SMARCA2: variants seen among roughly 807,000 people sequenced by gnomAD.
SMARCA2 encodes the protein SWI/SNF-related matrix-associated actin-dependent regulator of chromatin subfamily A member 2.
A neutral mutation model predicts 199.8 loss-of-function variants in SMARCA2; 61 were observed. The observed-to-expected ratio is 0.31, with a 90% CI of 0.25 to 0.38. The LOEUF is 0.38. Among genes scored for constraint, SMARCA2 ranks in the 10% least tolerant of loss-of-function variants. SMARCA2 has a pLI of 1.00. For synonymous variants in SMARCA2, 935 were observed against 732.0 expected (o/e 1.28, Z -4.48); for missense variants, 1,344 against 2,012.2 (o/e 0.67, Z 6.35).
intron 17 of SMARCA2, among the ~76,000 whole-genome samples, chr9:2,084,555 T>A (rs1042479786): frequency 1.1e-4 from 16 of 152,258 alleles, no homozygotes; most frequent in Admixed American, 5.9e-4. Context: ...AAGAAATAAT[T>A]GTTTTTGTTG....
chr9:2,104,404 C>T lies in SMARCA2; in HGVS notation c.3292+235C>T, dbSNP rs1014063576. The stretch of plus-strand genomic sequence containing the variant: ...ACCAACACAAATGAGTTTAGAGTCA[C>T]TTTTGAGTACCTAAATAAAATAAAA... On this transcript the variant is annotated intron_variant, in intron 23 of 33. Coordinates refer to ENST00000349721, the MANE Select transcript of SMARCA2 (RefSeq NM_003070.5). This position sits in a 1 kb window ranked among gnomAD's most constrained non-coding sequence, Gnocchi z 4.0. 4.6e-5 allele frequency among the ~76,000 whole-genome samples: 7 copies of T among 152,154 alleles called. No homozygotes were observed. The highest frequency in any genetic ancestry group is 1.7e-4 in the African/African-American group (7 of 41,436).
intron 30 of SMARCA2, 102 bp downstream of exon 30, chr9:2,181,778 C>A (rs1034533638): frequency 1.5e-6 from 1 of 688,160 alleles, no homozygotes. Context: ...TGATGGGTAC[C>A]CAGGGCTCGC....
chr9:2,147,441 A>G (rs1361563541), intron 27 of SMARCA2, among the ~76,000 whole-genome samples: 1 of 152,220 alleles, frequency 6.6e-6, no homozygotes, highest in Non-Finnish European at 1.5e-5. Context: ...TGTTTGCCAC[A>G]TCTTTCATTG....
chr9:2,168,115 A>C (rs944563795), intron 28 of SMARCA2, among the ~76,000 whole-genome samples: 2 of 149,930 alleles, frequency 1.3e-5, no homozygotes, highest in African/African-American at 2.5e-5. Flanking sequence ...GGGTTCAAGC[A>C]ATTCTCCTGC....
At chr9:2,146,248 C>G (rs866889121) in intron 27 of SMARCA2, among the ~76,000 whole-genome samples, 3 of 152,124 alleles carry the variant, frequency 2.0e-5, no homozygotes, top group Non-Finnish European at 4.4e-5. Context: ...AATAAGGGCA[C>G]TATTCCCAAT....
chr9:2,144,406 A>G (rs1484224530), intron 27 of SMARCA2, among the ~76,000 whole-genome samples: 1 of 152,184 alleles, frequency 6.6e-6, no homozygotes, highest in Non-Finnish European at 1.5e-5. Context: ...ACCAGGTTAG[A>G]AGGACCTCGA....
intron 27 of SMARCA2, among the ~76,000 whole-genome samples, chr9:2,143,198 G>C (rs1824549326): frequency 6.6e-6 from 1 of 152,170 alleles, no homozygotes. Context: ...AGAGGGATCA[G>C]GAGAGTTCCA....
chr9:2,119,554 A>G lies in SMARCA2; in HGVS notation c.3762+19A>G, dbSNP rs764210653. On this transcript the variant is annotated intron_variant, in intron 26 of 33. Coordinates refer to ENST00000349721, the MANE Select transcript of SMARCA2 (RefSeq NM_003070.5). This position sits in a 1 kb window ranked among gnomAD's most constrained non-coding sequence, Gnocchi z 4.6. ...TTTTATGGTAATGTTACAGAAAATC[A>G]TGAACACAAATGCTTTATACCTCTG... The G allele has an allele frequency of 6.6e-7, 1 of 1,508,796 alleles. No homozygotes were observed. 93.5% of individuals were successfully genotyped at this position (1,508,796 alleles called of 1,614,324 possible). A position where few individuals can be genotyped will look rare whatever the true frequency, so the allele number is the denominator to read the frequency against.
chr9:2,126,685 A>G (rs1823711458), intron 27 of SMARCA2, among the ~76,000 whole-genome samples: 1 of 152,256 alleles, frequency 6.6e-6, no homozygotes, highest in Admixed American at 6.5e-5. Flanking sequence ...GCAATGTTGT[A>G]CAAAGCCTGC....
Position 2,123,304 on chromosome 9 carries a change from T to C in SMARCA2, c.3763-415T>C, listed in dbSNP as rs1823545838. Among the ~76,000 whole-genome samples, 1 of 152,170 alleles carries C rather than the reference T, an allele frequency of 6.6e-6. No individual in the cohort carries two copies. The highest frequency in any genetic ancestry group is 1.5e-5 in the Non-Finnish European group (1 of 68,018). ...AGCCCTATTGAATAAAAGGAAACTTTCTTAAAGATCTTTCTTTTCTTTACT... is the reference window on the plus strand; with the variant it reads ...AGCCCTATTGAATAAAAGGAAACTTCCTTAAAGATCTTTCTTTTCTTTACT... On this transcript the variant is annotated intron_variant, in intron 26 of 33. Coordinates refer to ENST00000349721, the MANE Select transcript of SMARCA2 (RefSeq NM_003070.5). This position sits in a 1 kb window ranked among gnomAD's most constrained non-coding sequence, Gnocchi z 4.1.
chr9:2,030,297 C>T (rs1254767259), intron 2 of SMARCA2, among the ~76,000 whole-genome samples: 1 of 152,138 alleles, frequency 6.6e-6, no homozygotes, highest in Non-Finnish European at 1.5e-5. Flanking sequence ...CCAGCAGAAC[C>T]TGTGGTATAG....
intron 8 of SMARCA2, 108 bp from the exon 9 acceptor site, chr9:2,060,708 A>G (rs965580904): frequency 5.9e-6 from 6 of 1,014,866 alleles, no homozygotes; most frequent in Non-Finnish European, 8.8e-6. Flanking sequence ...CCAGTTTGCT[A>G]CACTCCTACC....
chr9:2,055,832 A>T (rs1270239271), intron 6 of SMARCA2: 1 of 152,242 alleles, frequency 6.6e-6, no homozygotes, highest in Non-Finnish European at 1.5e-5. Flanking sequence ...ATCTTACTAA[A>T]TGAATATTAA....
At chr9:2,133,379 T>C (rs1227674628) in intron 27 of SMARCA2, among the ~76,000 whole-genome samples, 1 of 152,144 alleles carries the variant, frequency 6.6e-6, no homozygotes, top group Non-Finnish European at 1.5e-5. Flanking sequence ...ACTCCTCGGC[T>C]CAAGCAGTCT....
Position 2,056,769 on chromosome 9 carries a change from G to A in SMARCA2, c.1271G>A (p.Arg424Lys). The change falls in exon 7 of 34, where the codon AGA becomes AAA. Residue 424 changes from arginine (R) to lysine (K), a missense_variant. Around this residue, in one of 18 missense-constraint regions of SMARCA2, gnomAD observed 155 missense variants for 260.0 expected, o/e 0.60. Transcript: ENST00000349721. The surrounding 1 kb of genome is among the most constrained non-coding windows in gnomAD (Gnocchi z 4.0). ...AYKRSKRQTL[R>K]EARMTEKLEK... is the part of the protein sequence containing the mutation. Reference sequence around the variant, plus strand: ...AAACGGAGCAAGCGCCAGACTCTGAGAGAAGCTCGCATGACCGAGAAGCTG... The same window carrying A: ...AAACGGAGCAAGCGCCAGACTCTGAAAGAAGCTCGCATGACCGAGAAGCTG... 10 of 1,614,232 alleles carry A rather than the reference G, an allele frequency of 6.2e-6. No homozygotes were observed. The highest frequency in any genetic ancestry group is 8.5e-6 in the Non-Finnish European group (10 of 1,180,042).
chr9:2,135,238 T>A (rs1824142834), intron 27 of SMARCA2, among the ~76,000 whole-genome samples: 1 of 152,136 alleles, frequency 6.6e-6, no homozygotes, highest in Non-Finnish European at 1.5e-5. Flanking sequence ...AAGAAGGAAT[T>A]CCCCTTTCCT....
Position 2,182,138 on chromosome 9 carries a change from C to T in SMARCA2, c.4360-3C>T. ...TCTCCATTTTCTCCAAAATTTCCAT[C>T]AGGAAAGGATTCGTAATCATAAGTA... is the stretch of plus-strand genomic sequence containing the variant. On this transcript the variant is annotated splice_region_variant and splice_polypyrimidine_tract_variant and intron_variant, in intron 30 of 33. Transcript: ENST00000349721. 1 of 1,586,150 alleles carries T rather than the reference C, an allele frequency of 6.3e-7. No individual in the cohort carries two copies.
intron 27 of SMARCA2, among the ~76,000 whole-genome samples, chr9:2,125,780 G>A (rs764851535): frequency 1.3e-5 from 2 of 152,178 alleles, no homozygotes; most frequent in South Asian, 2.1e-4. Flanking sequence ...GTGAGCCACC[G>A]TGCCTGGCTG....
intron 8 of SMARCA2, among the ~76,000 whole-genome samples, chr9:2,059,027 A>G (rs1432488595): frequency 1.3e-5 from 2 of 152,202 alleles, no homozygotes; most frequent in Non-Finnish European, 2.9e-5. Context: ...CTATTCATGG[A>G]TTATTACATT....
Sources: gnomAD v4.1 joint callset for allele counts (sites outside exome capture counted in the v4.1 genomes callset) on GRCh38, gnomAD v4.1.1 for gene constraint, gnomAD v4.1.1 regional missense constraint, Gnocchi (gnomAD v3.1) non-coding constraint, MANE v1.5 for transcripts, NCBI Gene and HGNC (gene_info 2026-07-23, HGNC 2026-07-21) for gene names.